ATP8B1: variants seen among roughly 807,000 people sequenced by gnomAD.
ATP8B1 encodes phospholipid-transporting ATPase IC.
Under a neutral mutation model 149.9 loss-of-function variants are expected in ATP8B1, and 80 were observed. The observed-to-expected ratio is 0.53, with a 90% CI of 0.45 to 0.64. The LOEUF is 0.64. Among genes scored for constraint, ATP8B1 ranks in the 30% least tolerant of loss-of-function variants. The pLI, the probability that ATP8B1 is intolerant of heterozygous loss-of-function variation, is 0.00. For synonymous variants in ATP8B1, 536 were observed against 562.8 expected (o/e 0.95, Z 0.67); for missense variants, 1,247 against 1,552.6 (o/e 0.80, Z 3.31).
intron 15 of ATP8B1, among the ~76,000 whole-genome samples, chr18:57,677,993 C>G (rs983656895): frequency 1.4e-4 from 21 of 152,022 alleles, no homozygotes; most frequent in African/African-American, 5.1e-4. Context: ...AATGGAATCA[C>G]AGAATTGCAG....
intron 27 of ATP8B1, among the ~76,000 whole-genome samples, chr18:57,650,017 G>C (rs964631997): frequency 1.3e-5 from 2 of 152,092 alleles, no homozygotes; most frequent in South Asian, 4.2e-4. Flanking sequence ...TAGCTCAAAG[G>C]ATCCTGCTAC....
chr18:57,686,971 G>A (rs1026870231), intron 13 of ATP8B1, among the ~76,000 whole-genome samples: 1 of 152,132 alleles, frequency 6.6e-6, no homozygotes, highest in Non-Finnish European at 1.5e-5. Flanking sequence ...AGTCTCCCAA[G>A]TAGCTGGAAC....
intron 1 of ATP8B1, among the ~76,000 whole-genome samples, chr18:57,756,228 C>T (rs1318217370): frequency 8.7e-5 from 10 of 114,328 alleles, no homozygotes; most frequent in African/African-American, 3.2e-4. Flanking sequence ...CACACACACA[C>T]ACACACACAT....
chr18:57,693,899 C>T (rs1398323432), intron 11 of ATP8B1, among the ~76,000 whole-genome samples: 1 of 152,038 alleles, frequency 6.6e-6, no homozygotes, highest in African/African-American at 2.4e-5. Context: ...TTAATTGCTG[C>T]TGGGAGAATT....
chr18:57,762,434 C>T (rs1335574619), intron 1 of ATP8B1, among the ~76,000 whole-genome samples: 5 of 152,144 alleles, frequency 3.3e-5, no homozygotes, highest in Non-Finnish European at 1.5e-5. Context: ...CCAATGTGCC[C>T]GGCCCCAGTA....
At chr18:57,707,926 G>A (rs1395031500) in intron 2 of ATP8B1, among the ~76,000 whole-genome samples, 1 of 151,562 alleles carries the variant, frequency 6.6e-6, no homozygotes, top group Non-Finnish European at 1.5e-5. Flanking sequence ...GGAGGCCGAG[G>A]TGGATGGATC....
chr18:57,788,222 T>C (rs1332961263), intron 1 of ATP8B1, among the ~76,000 whole-genome samples: 1 of 151,984 alleles, frequency 6.6e-6, no homozygotes, highest in African/African-American at 2.4e-5. Context: ...TGAGAGGGTA[T>C]CCTATAAAAC....
chr18:57,730,373 G>T (rs997775970), intron 2 of ATP8B1, among the ~76,000 whole-genome samples: 1 of 61,762 alleles, frequency 1.6e-5, no homozygotes, highest in Non-Finnish European at 3.2e-5. Flanking sequence ...TGTCTGGAGC[G>T]CTGAAACCAG....
chr18:57,774,844 C>G (rs1257367746), intron 1 of ATP8B1, among the ~76,000 whole-genome samples: 2 of 152,122 alleles, frequency 1.3e-5, no homozygotes, highest in Non-Finnish European at 2.9e-5. Flanking sequence ...ATTTATTTTT[C>G]CTTGCATATA....
At chr18:57,677,767 T>G (rs1349539587) in intron 15 of ATP8B1, among the ~76,000 whole-genome samples, 3 of 152,066 alleles carry the variant, frequency 2.0e-5, no homozygotes, top group African/African-American at 7.2e-5. Flanking sequence ...CAGAGACAAA[T>G]CAGCAGCGGT....
rs1328786531 is a variant in ATP8B1, at chr18:57,725,625, A to C, written c.181+6002T>G. Among the ~76,000 whole-genome samples, 3 of 152,256 alleles carry C rather than the reference A, an allele frequency of 2.0e-5. No homozygotes were observed. In the East Asian group the frequency reaches 5.8e-4, roughly 29 times the overall value. The stretch of plus-strand genomic sequence containing the variant: ...TGTAGGAATCACACTACCTGACTTC[A>C]AATTATATGACAGAGCTATAATAAC... On this transcript the variant is annotated intron_variant, in intron 2 of 27. Transcript: ENST00000648908.
intron 2 of ATP8B1, among the ~76,000 whole-genome samples, chr18:57,713,187 CTTTCT>C (rs1568207439): frequency 3.1e-4 from 30 of 98,294 alleles, no homozygotes; most frequent in South Asian, 8.2e-4. Flanking sequence ...TTCTTTCTTT[CTTTCT>C]TTCTTTCCTT....
rs116350675 is a variant in ATP8B1 at position 57,770,377 on chromosome 18, C to T, written c.-26+32621G>A. Among the ~76,000 whole-genome samples, 1,090 of 152,342 alleles carry T rather than the reference C, an allele frequency of 7.2e-3. 18 individuals carry two copies. The highest frequency in any genetic ancestry group is 0.024 in the African/African-American group (1,010 of 41,570). On this transcript the variant is annotated intron_variant, in intron 1 of 27. Transcript: ENST00000648908. Reference sequence around the variant, plus strand: ...TAGATGTCTCAAAATTTGTTTAGCACTTTCCAGAGCAGTCCACAAAATGCC... The same window carrying T: ...TAGATGTCTCAAAATTTGTTTAGCATTTTCCAGAGCAGTCCACAAAATGCC...
rs319442 is a variant in ATP8B1, at chr18:57,695,584, G to A, written c.699-52C>T. ...AAATGAACAAATTTTTGAGTTCAAAGTGGAAGTTAATCATCCAAAGTTACA... is the reference window on the plus strand; with the variant it reads ...AAATGAACAAATTTTTGAGTTCAAAATGGAAGTTAATCATCCAAAGTTACA... On this transcript the variant is annotated intron_variant, in intron 8 of 27. Transcript: ENST00000648908. 1,432,536 of 1,434,866 alleles carry A rather than the reference G, an allele frequency of 1. 715,143 individuals carry two copies. Among genetic ancestry groups the A allele is most frequent in the East Asian group, 1 (43,846 of 43,846 alleles). The allele number at this position is 1,434,866 out of a possible 1,614,324, so 88.9% of individuals were successfully genotyped here. A position where few individuals can be genotyped will look rare whatever the true frequency, so the allele number is the denominator to read the frequency against.
At chr18:57,758,250 A>ACCCT (rs1482980263) in intron 1 of ATP8B1, among the ~76,000 whole-genome samples, 3 of 152,030 alleles carry the variant, frequency 2.0e-5, no homozygotes, top group Non-Finnish European at 4.4e-5. Context: ...TAGACAAGTA[A>ACCCT]CCCTCCTCAC....
At chr18:57,776,805 C>T (rs2080309221) in intron 1 of ATP8B1, among the ~76,000 whole-genome samples, 1 of 151,950 alleles carries the variant, frequency 6.6e-6, no homozygotes, top group African/African-American at 2.4e-5. Flanking sequence ...AGGACATTTC[C>T]TAATATGTTA....
At position 57,715,347 on chromosome 18, in the gene ATP8B1, G is replaced by A. The variant is rs372485765; in HGVS notation, c.182-8760C>T. On this transcript the variant is annotated intron_variant, in intron 2 of 27. Transcript: ENST00000648908. ...AGACAGAAGAAAAAAGAATAAAAAA[G>A]AAAGAAGTACACCTACAAGATCTAG... 2.1e-4 allele frequency among the ~76,000 whole-genome samples: 32 copies of A among 152,058 alleles called. No individual in the cohort carries two copies. The East Asian group carries it at 2.7e-3, about 13-fold the overall frequency.
chr18:57,741,948 C>T (rs2079918300), intron 1 of ATP8B1, among the ~76,000 whole-genome samples: 1 of 152,226 alleles, frequency 6.6e-6, no homozygotes, highest in African/African-American at 2.4e-5. Flanking sequence ...CAGCTCACTG[C>T]AACCTCTGCC....
intron 22 of ATP8B1, among the ~76,000 whole-genome samples, chr18:57,657,474 C>T (rs1045146665): frequency 3.3e-5 from 5 of 152,124 alleles, no homozygotes; most frequent in African/African-American, 7.2e-5. Context: ...AATGCTGCGG[C>T]GTTCCAACTA....
Sources: gnomAD v4.1 joint callset for allele counts (sites outside exome capture counted in the v4.1 genomes callset) on GRCh38, gnomAD v4.1.1 for gene constraint, MANE v1.5 for transcripts, NCBI Gene and HGNC (gene_info 2026-07-23, HGNC 2026-07-21) for gene names.